The following LRP1B variants were observed in gnomAD, a reference collection of about 807,000 sequenced individuals.
LRP1B encodes LDL receptor related protein 1B, also known as low-density lipoprotein receptor-related protein 1B.
A neutral mutation model predicts 556.6 loss-of-function variants in LRP1B; 217 were observed. The observed-to-expected ratio is 0.39, with a 90% CI of 0.35 to 0.44. LRP1B has a LOEUF of 0.44. LRP1B is among the 20% of genes least tolerant of loss of function. The pLI, the probability that LRP1B is intolerant of heterozygous loss-of-function variation, is 1.00. For missense variants in LRP1B, 5,053 were observed against 5,620.8 expected (o/e 0.90, Z 3.23); for synonymous variants, 2,047 against 1,865.8 (o/e 1.10, Z -2.50).
At chr2:140,636,232 T>C (rs909299383) in intron 41 of LRP1B, among the ~76,000 whole-genome samples, 12 of 152,182 alleles carry the variant, frequency 7.9e-5, no homozygotes, top group Non-Finnish European at 1.3e-4. Flanking sequence ...GATTCTTGTA[T>C]AAAGCTTCTT....
chr2:141,148,571 C>T (rs1272572476), intron 7 of LRP1B, among the ~76,000 whole-genome samples: 2 of 152,100 alleles, frequency 1.3e-5, no homozygotes, highest in Admixed American at 6.5e-5. Flanking sequence ...TGAGGCAATC[C>T]ATTCCACATA....
intron 7 of LRP1B, among the ~76,000 whole-genome samples, chr2:141,062,884 G>C (rs1699373925): frequency 6.6e-6 from 1 of 151,734 alleles, no homozygotes; most frequent in Non-Finnish European, 1.5e-5. Context: ...TATTTAAAAA[G>C]TATAGGTCAT....
chr2:141,545,101 C>T (rs770461312), intron 2 of LRP1B, among the ~76,000 whole-genome samples: 4 of 152,174 alleles, frequency 2.6e-5, no homozygotes, highest in Non-Finnish European at 4.4e-5. Flanking sequence ...ATAACTTGTC[C>T]AGATTCACAC....
chr2:140,478,870 T>C (rs1398141593), intron 59 of LRP1B, among the ~76,000 whole-genome samples: 2 of 152,086 alleles, frequency 1.3e-5, no homozygotes, highest in Non-Finnish European at 2.9e-5. Flanking sequence ...AAATATTAGC[T>C]ATTATTATTT....
intron 2 of LRP1B, among the ~76,000 whole-genome samples, chr2:141,596,294 T>C (rs1687515779): frequency 6.6e-6 from 1 of 151,940 alleles, no homozygotes; most frequent in African/African-American, 2.4e-5. Flanking sequence ...ACATCTAAAA[T>C]TGAGTTTCTG....
chr2:140,244,870 G>A lies in LRP1B; in HGVS notation c.13324+2216C>T, dbSNP rs151111740. On this transcript the variant is annotated intron_variant, in intron 87 of 90. Coordinates refer to ENST00000389484, the MANE Select transcript of LRP1B (RefSeq NM_018557.3). ...GTTTCATCGTTCTTATTGGGCAGAC[G>A]ACTTCTGCTCAAGTTTGGGGAAGGT... Among the ~76,000 whole-genome samples, 107 of 151,318 alleles carry A rather than the reference G, an allele frequency of 7.1e-4. 1 individual carries two copies. Among genetic ancestry groups the A allele is most frequent in the African/African-American group, 2.5e-3 (105 of 41,414 alleles).
At chr2:141,762,071 T>A (rs534590198) in intron 2 of LRP1B, among the ~76,000 whole-genome samples, 1 of 152,254 alleles carries the variant, frequency 6.6e-6, no homozygotes, top group African/African-American at 2.4e-5. Flanking sequence ...TCTTTATGGT[T>A]ATTGTCTTTT....
At chr2:140,935,699 C>T (rs112263325) in intron 20 of LRP1B, among the ~76,000 whole-genome samples, 5 of 152,038 alleles carry the variant, frequency 3.3e-5, no homozygotes, top group Non-Finnish European at 7.4e-5. Context: ...AAGAAGTCTA[C>T]ACCAACACAC....
chr2:141,670,724 A>G (rs1558794192), intron 2 of LRP1B, among the ~76,000 whole-genome samples: 1 of 152,232 alleles, frequency 6.6e-6, no homozygotes. Context: ...GCAGTGAAAT[A>G]AAAAATAAAT....
chr2:140,891,211 A>C (rs987685115), intron 23 of LRP1B, among the ~76,000 whole-genome samples: 1 of 152,178 alleles, frequency 6.6e-6, no homozygotes, highest in Non-Finnish European at 1.5e-5. Context: ...AGAAGCTTTT[A>C]GAAAACACTC....
chr2:141,185,698 A>AAAAAAAAAAAAAAAAAC (rs1681219667), intron 7 of LRP1B, among the ~76,000 whole-genome samples: 1 of 120,314 alleles, frequency 8.3e-6, no homozygotes, highest in African/African-American at 2.8e-5. Context: ...AAAAAAAAAC[A>AAAAAAAAAAAAAAAAAC]AAAAAAAAAA....
chr2:141,273,800 G>A lies in LRP1B; in HGVS notation c.344-19159C>T, dbSNP rs547401919. On this transcript the variant is annotated intron_variant, in intron 3 of 90. Transcript: ENST00000389484. ...AGTGAATAAACAATTCATACAATGC[G>A]AGAAAACATTTTCAGATCCAATCTG... 1.3e-4 allele frequency among the ~76,000 whole-genome samples: 20 copies of A among 152,250 alleles called. No individual in the cohort carries two copies. In the East Asian group the frequency reaches 3.1e-3, roughly 23 times the overall value.
chr2:140,417,265 T>C (rs1372004650), intron 66 of LRP1B, among the ~76,000 whole-genome samples: 1 of 152,224 alleles, frequency 6.6e-6, no homozygotes, highest in Non-Finnish European at 1.5e-5. Flanking sequence ...AAGAAGCCCT[T>C]TACTATTGGT....
chr2:140,318,331 C>T (rs1452240099), intron 82 of LRP1B, among the ~76,000 whole-genome samples: 1 of 152,050 alleles, frequency 6.6e-6, no homozygotes, highest in African/African-American at 2.4e-5. Context: ...GTAAGATTTT[C>T]TCTTACATTA....
chr2:140,317,043 A>G (rs1225454260), intron 82 of LRP1B, among the ~76,000 whole-genome samples: 1 of 152,148 alleles, frequency 6.6e-6, no homozygotes, highest in Non-Finnish European at 1.5e-5. Context: ...AGGCAGACCT[A>G]TGGGTGAGCA....
At chr2:141,059,277 G>C (rs1468312897) in intron 8 of LRP1B, among the ~76,000 whole-genome samples, 1 of 151,684 alleles carries the variant, frequency 6.6e-6, no homozygotes, top group Non-Finnish European at 1.5e-5. Flanking sequence ...CAAATGTAGG[G>C]ACAGAATTGT....
In LRP1B at chr2:140,941,821, A is replaced by G. The variant is rs146088918; in HGVS notation, c.3136+8414T>C. Among the ~76,000 whole-genome samples the G allele has an allele frequency of 2.3e-3, 354 of 152,294 alleles. 1 individual carries two copies. Among genetic ancestry groups the G allele is most frequent in the African/African-American group, 8.3e-3 (345 of 41,580 alleles). ...CAAATGACAGCAAATTCATGAAGAAAAAGAAGCACCAGCTCCATCAGATAA... is the reference window on the plus strand; with the variant it reads ...CAAATGACAGCAAATTCATGAAGAAGAAGAAGCACCAGCTCCATCAGATAA... On this transcript the variant is annotated intron_variant, in intron 20 of 90. Transcript: ENST00000389484.
At chr2:140,581,648 C>G (rs1681767216) in intron 43 of LRP1B, among the ~76,000 whole-genome samples, 1 of 152,010 alleles carries the variant, frequency 6.6e-6, no homozygotes, top group African/African-American at 2.4e-5. Context: ...GAATAGACTG[C>G]AACTCCAAAA....
chr2:140,258,254 C>T (rs1159540111), intron 86 of LRP1B, among the ~76,000 whole-genome samples: 1 of 151,890 alleles, frequency 6.6e-6, no homozygotes, highest in African/African-American at 2.4e-5. Flanking sequence ...TCAGATCACT[C>T]TCTAAATGAA....
Sources: gnomAD v4.1 joint callset for allele counts (sites outside exome capture counted in the v4.1 genomes callset) on GRCh38, gnomAD v4.1.1 for gene constraint, MANE v1.5 for transcripts, NCBI Gene and HGNC (gene_info 2026-07-23, HGNC 2026-07-21) for gene names.